PIEZO2: variants seen among roughly 807,000 people sequenced by gnomAD.
PIEZO2 encodes the protein piezo type mechanosensitive ion channel component 2.
A neutral mutation model predicts 337.3 loss-of-function variants in PIEZO2; 172 were observed. The ratio of observed to expected loss-of-function variants is 0.51; its 90% CI spans 0.45 to 0.58. The LOEUF is 0.58. Among genes scored for constraint, PIEZO2 ranks in the 20% least tolerant of loss-of-function variants. The pLI is 0.00. For synonymous variants in PIEZO2, 1,251 were observed against 1,228.5 expected, an observed-to-expected ratio of 1.02 and a Z score of -0.38; for missense variants, 3,028 against 3,391.3, an observed-to-expected ratio of 0.89 and a Z score of 2.66.
intron 42 of PIEZO2, among the ~76,000 whole-genome samples, chr18:10,703,313 G>A (rs1427950734): frequency 6.6e-6 from 1 of 152,184 alleles, no homozygotes; most frequent in Non-Finnish European, 1.5e-5. Context: ...TTGAAGTGAT[G>A]TAATGAAAGT....
Position 10,726,961 on chromosome 18 carries a change from A to G in PIEZO2, c.5029+4446T>C. On this transcript the variant is annotated intron_variant, in intron 36 of 55. Coordinates refer to ENST00000674853, the MANE Select transcript of PIEZO2 (RefSeq NM_001378183.1). The surrounding 1 kb of genome is among the most constrained non-coding windows in gnomAD (Gnocchi z 5.9). ...CTGATGTAGGTTGAGGGCTGCAGACAGAGGCCCTGGACAGAAGCTCCAGAT... is the reference window on the plus strand; with the variant it reads ...CTGATGTAGGTTGAGGGCTGCAGACGGAGGCCCTGGACAGAAGCTCCAGAT... 2.1e-6 allele frequency: 3 copies of G among 1,397,960 alleles called. No individual in the cohort carries two copies. 86.6% of individuals were successfully genotyped at this position (1,397,960 alleles called of 1,614,324 possible).
chr18:10,770,485 C>T (rs2143970607), intron 20 of PIEZO2, among the ~76,000 whole-genome samples, 177 bp from the exon 21 acceptor site: 1 of 152,286 alleles, frequency 6.6e-6, no homozygotes, highest in East Asian at 1.9e-4. Context: ...CATGATGACA[C>T]AGATATCATA....
chr18:10,990,199 AAC>A (rs2035036405), intron 2 of PIEZO2, among the ~76,000 whole-genome samples: 1 of 152,242 alleles, frequency 6.6e-6, no homozygotes, highest in Non-Finnish European at 1.5e-5. Flanking sequence ...AAGGAGACAT[AAC>A]ACAAAATCAT....
intron 4 of PIEZO2, among the ~76,000 whole-genome samples, chr18:10,897,762 C>G (rs1405618441): frequency 6.6e-6 from 1 of 152,208 alleles, no homozygotes; most frequent in East Asian, 1.9e-4. Flanking sequence ...AAAGGAAAAT[C>G]CAATCTGTAA....
intron 2 of PIEZO2, among the ~76,000 whole-genome samples, chr18:10,997,634 A>C (rs375644061): frequency 6.6e-6 from 1 of 152,216 alleles, no homozygotes; most frequent in African/African-American, 2.4e-5. Context: ...CTGAAATTAA[A>C]CATTCACCTA....
intron 2 of PIEZO2, among the ~76,000 whole-genome samples, chr18:11,034,174 TCA>T (rs144676144): frequency 0.051 from 7,824 of 152,200 alleles, 264 homozygotes; most frequent in Middle Eastern, 0.089. Flanking sequence ...CCAAAATAGT[TCA>T]GTCAGAAGTT....
chr18:10,803,151 A>T (rs899494484), intron 9 of PIEZO2, among the ~76,000 whole-genome samples: 3 of 152,104 alleles, frequency 2.0e-5, no homozygotes, highest in Non-Finnish European at 4.4e-5. Flanking sequence ...CATATCATGC[A>T]CCCCGACTGG....
intron 14 of PIEZO2, among the ~76,000 whole-genome samples, chr18:10,790,916 G>C (rs1254300533): frequency 6.6e-6 from 1 of 152,114 alleles, no homozygotes. Context: ...GTGTTAGCCA[G>C]GATGGTCTCA....
In PIEZO2 at chr18:11,096,152, G is replaced by T. The variant is rs532188214; in HGVS notation, c.65-29930C>A. ...ATGGAGCCCTCACTCTGTTGCCCAA[G>T]GTGGCTGAGACACCGCCAGCCTGGC... On this transcript the variant is annotated intron_variant, in intron 1 of 55. Coordinates refer to ENST00000674853, the MANE Select transcript of PIEZO2 (RefSeq NM_001378183.1). The surrounding 1 kb of genome is among the most constrained non-coding windows in gnomAD (Gnocchi z 4.6). 1.3e-5 allele frequency among the ~76,000 whole-genome samples: 2 copies of T among 152,328 alleles called. No individual in the cohort carries two copies. The highest frequency in any genetic ancestry group is 3.9e-4 in the East Asian group (2 of 5,180).
chr18:11,098,810 T>A (rs915416389), intron 1 of PIEZO2, among the ~76,000 whole-genome samples: 15 of 152,060 alleles, frequency 9.9e-5, no homozygotes, highest in South Asian at 2.1e-4. Context: ...AAAAAAAATT[T>A]TTTTTGAGAC....
chr18:10,882,437 C>T (rs1032902002), intron 4 of PIEZO2, among the ~76,000 whole-genome samples: 1 of 152,128 alleles, frequency 6.6e-6, no homozygotes, highest in African/African-American at 2.4e-5. Context: ...ATTTCAAAAA[C>T]AACATTTGGG....
intron 12 of PIEZO2, among the ~76,000 whole-genome samples, chr18:10,797,065 TATC>T (rs2039628561): frequency 6.8e-6 from 1 of 147,778 alleles, no homozygotes; most frequent in East Asian, 2.1e-4. Flanking sequence ...TATCATGTCA[TATC>T]ATACATACCA....
At chr18:10,798,459 G>C (rs183636380) in intron 11 of PIEZO2, among the ~76,000 whole-genome samples, 2 of 152,212 alleles carry the variant, frequency 1.3e-5, no homozygotes, top group Non-Finnish European at 2.9e-5. Flanking sequence ...TCTTCCTGCA[G>C]TAGGACTGGA....
In PIEZO2 at chr18:10,942,964, G is replaced by T. The variant is rs182423653; in HGVS notation, c.287-31736C>A. Among the ~76,000 whole-genome samples the T allele has an allele frequency of 6.6e-6, 1 of 152,336 alleles. No homozygotes were observed. The highest frequency in any genetic ancestry group is 1.5e-5 in the Non-Finnish European group (1 of 68,038). ...TGGGCTATGGCATCAGAGGGTGCAA[G>T]CTCCAAGCCTTGGCAACTTCCACAT... On this transcript the variant is annotated intron_variant, in intron 3 of 55. Transcript: ENST00000674853. The surrounding 1 kb of genome is among the most constrained non-coding windows in gnomAD (Gnocchi z 4.4).
rs538485530 is a variant in PIEZO2 at position 10,766,331 on chromosome 18, A to G, written c.2947-3233T>C. Among the ~76,000 whole-genome samples, 8 of 151,476 alleles carry G rather than the reference A, an allele frequency of 5.3e-5. No homozygotes were observed. Among genetic ancestry groups the G allele is most frequent in the African/African-American group, 1.7e-4 (7 of 41,280 alleles). On this transcript the variant is annotated intron_variant, in intron 21 of 55. Transcript: ENST00000674853. The surrounding 1 kb of genome is among the most constrained non-coding windows in gnomAD (Gnocchi z 6.1). ...GAAGGGGAAGGAGAAGTAGGAGGAG[A>G]AGGAGGAGGAGGAGGACAATGACTA...
chr18:10,995,258 G>T (rs973929885), intron 2 of PIEZO2, among the ~76,000 whole-genome samples: 13 of 151,942 alleles, frequency 8.6e-5, no homozygotes, highest in African/African-American at 3.1e-4. Context: ...ATGTTTGTTG[G>T]CCATCTGTAT....
At position 10,861,065 on chromosome 18, in the gene PIEZO2, C is replaced by T. The variant is rs906111962; in HGVS notation, c.493-3854G>A. On this transcript the variant is annotated intron_variant, in intron 5 of 55. Coordinates refer to ENST00000674853, the MANE Select transcript of PIEZO2 (RefSeq NM_001378183.1). This position sits in a 1 kb window ranked among gnomAD's most constrained non-coding sequence, Gnocchi z 4.3. ...TAGTCACGTCAGGCTGGCTTATTAA[C>T]AGGCAGGCTTTTTCCCCCAAAGTGA... Among the ~76,000 whole-genome samples the T allele has an allele frequency of 1.3e-5, 2 of 152,222 alleles. No homozygotes were observed. Among genetic ancestry groups the T allele is most frequent in the South Asian group, 2.1e-4 (1 of 4,830 alleles).
At chr18:10,905,321 G>A (rs2043147979) in intron 4 of PIEZO2, among the ~76,000 whole-genome samples, 2 of 152,074 alleles carry the variant, frequency 1.3e-5, no homozygotes, top group South Asian at 2.1e-4. Context: ...GGTGGTTCAC[G>A]CCTGTAATCT....
At position 10,672,690 on chromosome 18, in the gene PIEZO2, C is replaced by T. The variant is rs1186461060; in HGVS notation, c.8345G>A (p.Gly2782Asp). The change falls in exon 55 of 56, where the codon GGT (glycine) becomes GAT (aspartate). Residue 2782 changes from glycine to aspartate, a missense_variant and splice_region_variant. Around this residue, in one of 5 missense-constraint regions of PIEZO2, gnomAD observed 332 missense variants for 363.8 expected, o/e 0.91. Coordinates refer to ENST00000674853, the MANE Select transcript of PIEZO2 (RefSeq NM_001378183.1). This position sits in a 1 kb window ranked among gnomAD's most constrained non-coding sequence, Gnocchi z 4.7. ...PPSLGFLAGYGIMGLYASVVL... is the reference protein window; with the variant it reads ...PPSLGFLAGYDIMGLYASVVL... The stretch of plus-strand genomic sequence containing the variant: ...TGTGAATTGTTCAATGAGTCCTTAC[C>T]CATAGCCAGCCAGGAACCCCAGACT... 6.2e-7 allele frequency: 1 copy of T among 1,613,682 alleles called. No homozygotes were observed. The highest frequency in any genetic ancestry group is 8.5e-7 in the Non-Finnish European group (1 of 1,179,846).
Sources: allele counts gnomAD v4.1 joint callset (sites outside exome capture counted in the v4.1 genomes callset), GRCh38; gene constraint gnomAD v4.1.1; regional missense constraint gnomAD v4.1.1; non-coding constraint Gnocchi (gnomAD v3.1); transcripts MANE v1.5; gene names NCBI Gene and HGNC (gene_info 2026-07-23, HGNC 2026-07-21).